LMNA: variants seen among roughly 807,000 people sequenced by gnomAD.
LMNA encodes the protein lamin.
In LMNA, 20 loss-of-function variants were observed where a neutral mutation model predicts 70.4. The observed-to-expected ratio is 0.28, with a 90% confidence interval of 0.20 to 0.41. The LOEUF is 0.41. LMNA is among the 10% of genes least tolerant of loss of function. The pLI, the probability that LMNA is intolerant of heterozygous loss-of-function variation, is 1.00. For synonymous variants in LMNA, 339 were observed against 372.8 expected, an observed-to-expected ratio of 0.91 and a Z score of 1.04; for missense variants, 652 against 917.2, an observed-to-expected ratio of 0.71 and a Z score of 3.73.
intron 3 of LMNA, among the ~76,000 whole-genome samples, chr1:156,097,001 G>A (rs1440164066): frequency 1.3e-5 from 2 of 152,232 alleles, no homozygotes; most frequent in African/African-American, 2.4e-5. Flanking sequence ...ACACGGCAGG[G>A]AAGGAAGTGG....
chr1:156,129,935 C>A (rs372247860), intron 1 of LMNA: 1 of 748,472 alleles, frequency 1.3e-6, no homozygotes, highest in Non-Finnish European at 2.5e-6. Flanking sequence ...TCCCAGGGCA[C>A]GGATGAGGCA....
chr1:156,088,113 G>T (rs191559795), intron 2 of LMNA, among the ~76,000 whole-genome samples: 1 of 151,036 alleles, frequency 6.6e-6, no homozygotes, highest in African/African-American at 2.4e-5. Context: ...CTCGTGATCC[G>T]CCCGCCTCGG....
At chr1:156,096,700 G>A (rs1225622402) in intron 3 of LMNA, among the ~76,000 whole-genome samples, 1 of 152,238 alleles carries the variant, frequency 6.6e-6, no homozygotes, top group African/African-American at 2.4e-5. Flanking sequence ...CCTCTGGAAG[G>A]ACACAGTCAG....
intron 1 of LMNA, among the ~76,000 whole-genome samples, chr1:156,121,465 C>A (rs1482627804): frequency 1.3e-5 from 2 of 152,074 alleles, no homozygotes; most frequent in Non-Finnish European, 2.9e-5. Flanking sequence ...TATTGCCTTC[C>A]CACTATTGGT....
upstream of LMNA, among the ~76,000 whole-genome samples, chr1:156,112,665 T>A (rs753638224): frequency 1.3e-5 from 2 of 152,126 alleles, no homozygotes; most frequent in African/African-American, 2.4e-5. Flanking sequence ...CTGGGCCCCC[T>A]CATCCGGGTG....
At position 156,135,458 on chromosome 1, in the gene LMNA, G is replaced by T. The variant is rs1384980020; in HGVS notation, c.936+146G>T. The T allele has an allele frequency of 9.6e-7, 1 of 1,042,684 alleles. No individual in the cohort carries two copies. Among genetic ancestry groups the T allele is most frequent in the East Asian group, 2.6e-5 (1 of 38,348 alleles). 64.6% of individuals were successfully genotyped at this position (1,042,684 alleles called of 1,614,324 possible). A position where few individuals can be genotyped will look rare whatever the true frequency, so the allele number is the denominator to read the frequency against. ...AGTGTCCCCACAACCACAGAGAAGG[G>T]TCGCAGGATGTGGAGTCAGATGGCC... On this transcript the variant is annotated intron_variant, in intron 5 of 11. Coordinates refer to ENST00000368300, the MANE Select transcript of LMNA (RefSeq NM_170707.4). This position sits in a 1 kb window ranked among gnomAD's most constrained non-coding sequence, Gnocchi z 4.8.
chr1:156,093,216 G>C (rs541237698), intron 3 of LMNA, among the ~76,000 whole-genome samples: 2 of 150,890 alleles, frequency 1.3e-5, no homozygotes, highest in South Asian at 4.2e-4. Context: ...CAGGGCTTTG[G>C]CCTGTGCTAT....
chr1:156,091,645 A>G (rs1648707340), intron 3 of LMNA, among the ~76,000 whole-genome samples: 1 of 152,092 alleles, frequency 6.6e-6, no homozygotes, highest in African/African-American at 2.4e-5. Context: ...TCCAATAAAT[A>G]TCTATCAAAT....
upstream of LMNA, among the ~76,000 whole-genome samples, chr1:156,113,660 C>T (rs977076014): frequency 6.6e-6 from 1 of 152,066 alleles, no homozygotes; most frequent in Non-Finnish European, 1.5e-5. Context: ...CTGGCTGAAA[C>T]CAGGATAGAG....
chr1:156,126,508 C>T (rs761284097), intron 1 of LMNA: 1 of 680,676 alleles, frequency 1.5e-6, no homozygotes, highest in South Asian at 1.6e-5. Flanking sequence ...CAGCGCCTGG[C>T]CCGGTGCCCA....
intron 2 of LMNA, among the ~76,000 whole-genome samples, chr1:156,084,333 G>GCC: frequency 1.5e-5 from 1 of 68,518 alleles, no homozygotes; most frequent in Middle Eastern, 5.9e-3. Context: ...AAGGTCGGGG[G>GCC]GTGGTGGGGG....
At chr1:156,124,275 C>G (rs919798168) in intron 1 of LMNA, among the ~76,000 whole-genome samples, 1 of 151,752 alleles carries the variant, frequency 6.6e-6, no homozygotes, top group South Asian at 2.1e-4. Flanking sequence ...AGCTGCCCCC[C>G]TCAGTTCCTC....
At chr1:156,117,114 G>C (rs1242968594) in intron 1 of LMNA, among the ~76,000 whole-genome samples, 1 of 136,096 alleles carries the variant, frequency 7.3e-6, no homozygotes. Flanking sequence ...ATTTTTAGTA[G>C]AGATGGGGTT....
intron 3 of LMNA, chr1:156,091,190 C>T (rs766721613): frequency 6.6e-6 from 1 of 152,316 alleles, no homozygotes; most frequent in East Asian, 1.9e-4. Context: ...TCATGTCCAG[C>T]GCCCTTCTGA....
At position 156,138,428 on chromosome 1, in the gene LMNA, T is replaced by G; in HGVS notation, c.1699-60T>G. The G allele has an allele frequency of 6.4e-7, 1 of 1,573,936 alleles. No individual in the cohort carries two copies. Among genetic ancestry groups the G allele is most frequent in the East Asian group, 2.3e-5 (1 of 43,228 alleles). On this transcript the variant is annotated intron_variant, in intron 10 of 11. Transcript: ENST00000368300. The surrounding 1 kb of genome is among the most constrained non-coding windows in gnomAD (Gnocchi z 5.5). ...AGCCTGCAGGAGCCTGGAGCCTGGT[T>G]GGGCCTGAGTGGTCAGTCCCAGACT... is the stretch of plus-strand genomic sequence containing the variant.
upstream of LMNA, chr1:156,109,835 T>TATATAC (rs1401524168): frequency 1.5e-5 from 2 of 131,236 alleles, no homozygotes; most frequent in African/African-American, 5.8e-5. Flanking sequence ...TATATATATA[T>TATATAC]ACACACACAC....
At chr1:156,082,745 C>G (rs1414365366) in intron 1 of LMNA, 1 of 151,826 alleles carries the variant, frequency 6.6e-6, no homozygotes, top group Non-Finnish European at 1.5e-5. Flanking sequence ...GCTAACGCCG[C>G]GCGCCCCCTC....
chr1:156,136,441 G>T lies in LMNA; in HGVS notation c.1380+5G>T, dbSNP rs1651646728. On this transcript the variant is annotated splice_donor_5th_base_variant and intron_variant, in intron 7 of 11. Coordinates refer to ENST00000368300, the MANE Select transcript of LMNA (RefSeq NM_170707.4). This position sits in a 1 kb window ranked among gnomAD's most constrained non-coding sequence, Gnocchi z 6.1. ...CTGCGCAACAAGTCCAATGAGGTAG[G>T]CTCCTGCTCAGGGTCTAAGGGGATA... is the stretch of plus-strand genomic sequence containing the variant. 1.9e-6 allele frequency: 3 copies of T among 1,565,870 alleles called. No homozygotes were observed. The highest frequency in any genetic ancestry group is 1.7e-6 in the Non-Finnish European group (2 of 1,155,896).
At chr1:156,114,628 T>C, upstream of LMNA, 1 of 210,492 alleles carries the variant, frequency 4.8e-6, no homozygotes, top group East Asian at 1.5e-4. Flanking sequence ...CCAATGGATC[T>C]GGGACTGCCC....
Sources: gnomAD v4.1 joint callset for allele counts (sites outside exome capture counted in the v4.1 genomes callset) on GRCh38, gnomAD v4.1.1 for gene constraint, Gnocchi (gnomAD v3.1) non-coding constraint, MANE v1.5 for transcripts, NCBI Gene and HGNC (gene_info 2026-07-23, HGNC 2026-07-21) for gene names.